The following SORCS1 variants were observed in gnomAD, a reference collection of about 807,000 sequenced individuals.
The protein encoded by SORCS1 is VPS10 domain-containing receptor SorCS1.
Under a neutral mutation model 146.1 loss-of-function variants are expected in SORCS1, and 60 were observed. The observed-to-expected ratio is 0.41, with a 90% confidence interval of 0.33 to 0.51. The LOEUF (loss-of-function observed/expected upper bound fraction) is 0.51, where lower values mean the gene tolerates loss of function less well. Ranked by LOEUF, SORCS1 falls within the 20% of genes least tolerant of loss-of-function variation. The pLI is 0.21. For synonymous variants in SORCS1, 637 were observed against 584.0 expected (o/e 1.09, Z -1.31); for missense variants, 1,352 against 1,487.6 (o/e 0.91, Z 1.50).
intron 1 of SORCS1, among the ~76,000 whole-genome samples, chr10:107,037,732 G>A (rs1245261416): frequency 1.3e-5 from 2 of 152,206 alleles, no homozygotes; most frequent in East Asian, 3.8e-4. Context: ...CAGCTAGAGA[G>A]GCTAATAGGA....
chr10:106,738,242 T>C (rs528309306), intron 5 of SORCS1, among the ~76,000 whole-genome samples: 66 of 152,308 alleles, frequency 4.3e-4, no homozygotes, highest in African/African-American at 1.5e-3. Flanking sequence ...ATAAGGAAGA[T>C]GTATATATGC....
At chr10:106,607,045 T>C (rs910161080) in intron 23 of SORCS1, 121 bp downstream of exon 23, 40 of 1,325,634 alleles carry the variant, frequency 3.0e-5, no homozygotes, top group Non-Finnish European at 4.2e-5. Context: ...TGCTCTTGCA[T>C]GTGCTTTTGG....
chr10:106,578,977 C>T, intron 25 of SORCS1: 1 of 1,462,222 alleles, frequency 6.8e-7, no homozygotes, highest in Non-Finnish European at 9.0e-7. Flanking sequence ...AGCTGTTTCT[C>T]TCAGGGGTGT....
At chr10:107,027,401 C>T (rs118176055) in intron 1 of SORCS1, among the ~76,000 whole-genome samples, 1 of 152,194 alleles carries the variant, frequency 6.6e-6, no homozygotes, top group East Asian at 1.9e-4. Flanking sequence ...GACACCGACT[C>T]TATTTACATG....
At chr10:106,652,732 G>A (rs1325679522) in intron 17 of SORCS1, among the ~76,000 whole-genome samples, 179 bp from the exon 18 acceptor site, 1 of 152,058 alleles carries the variant, frequency 6.6e-6, no homozygotes, top group African/African-American at 2.4e-5. Flanking sequence ...AGATAATCAT[G>A]GTCACACATT....
intron 2 of SORCS1, among the ~76,000 whole-genome samples, chr10:106,891,839 A>G (rs1227262993): frequency 2.0e-5 from 3 of 152,160 alleles, no homozygotes; most frequent in Non-Finnish European, 4.4e-5. Context: ...AACAGGCTGT[A>G]GTTTTGACAA....
chr10:106,994,368 A>G (rs1956907585), intron 1 of SORCS1, among the ~76,000 whole-genome samples: 1 of 152,214 alleles, frequency 6.6e-6, no homozygotes, highest in East Asian at 1.9e-4. Flanking sequence ...CTGTTTGTCT[A>G]CCAGTATATG....
At chr10:107,044,528 A>G (rs900228647) in intron 1 of SORCS1, among the ~76,000 whole-genome samples, 16 of 149,398 alleles carry the variant, frequency 1.1e-4, no homozygotes, top group Middle Eastern at 3.4e-3. Flanking sequence ...AAAAAAAAAA[A>G]AAAAAAAAAA....
At chr10:106,928,060 C>G (rs547891434) in intron 2 of SORCS1, among the ~76,000 whole-genome samples, 13 of 152,386 alleles carry the variant, frequency 8.5e-5, no homozygotes, top group African/African-American at 2.9e-4. Flanking sequence ...GATCCCGCAC[C>G]GGCGCTGCAT....
chr10:107,073,483 G>C (rs1962615274), intron 1 of SORCS1, among the ~76,000 whole-genome samples: 1 of 152,080 alleles, frequency 6.6e-6, no homozygotes, highest in South Asian at 2.1e-4. Context: ...ATTAGACTTA[G>C]AGACATGAAT....
chr10:106,892,391 C>G (rs1951271668), intron 2 of SORCS1, among the ~76,000 whole-genome samples: 1 of 152,238 alleles, frequency 6.6e-6, no homozygotes, highest in South Asian at 2.1e-4. Flanking sequence ...TGCCTTCCAT[C>G]ACAGCATATT....
At position 106,618,161 on chromosome 10, in the gene SORCS1, T is replaced by G. The variant is rs1457723558; in HGVS notation, c.2908A>C (p.Ile970Leu). 6.2e-7 allele frequency: 1 copy of G among 1,614,080 alleles called. No individual in the cohort carries two copies. Among genetic ancestry groups the G allele is most frequent in the East Asian group, 2.2e-5 (1 of 44,868 alleles). The change falls in exon 21 of 26, where the codon ATC becomes CTC. Residue 970 changes from isoleucine to leucine, a missense_variant. By Grantham distance (5) the Ile-to-Leu change is conservative. This residue lies in a region of SORCS1 where 648 missense variants were observed against 793.8 expected (regional missense o/e 0.82). Coordinates refer to ENST00000263054, the MANE Select transcript of SORCS1 (RefSeq NM_052918.5). ...GATGGGCACTCACCATATACTGCGA[T>G]GGTCTTTGTGTCTTGTAGGATGGCA... The part of the protein sequence containing the change: ...GNAILQDTKT[I>L]AVYEEFRSLR...
intron 5 of SORCS1, among the ~76,000 whole-genome samples, chr10:106,753,520 A>G (rs1858412007): frequency 6.6e-6 from 1 of 152,088 alleles, no homozygotes. Flanking sequence ...TAATGATACG[A>G]GTCAGAATCA....
At chr10:106,633,666 T>TAAAC (rs143314581) in intron 18 of SORCS1, among the ~76,000 whole-genome samples, 22 of 151,946 alleles carry the variant, frequency 1.4e-4, no homozygotes, top group African/African-American at 4.8e-4. Flanking sequence ...GATAGTAGAT[T>TAAAC]AAACAAACAA....
chr10:107,062,596 G>C (rs540580786), intron 1 of SORCS1, among the ~76,000 whole-genome samples: 2 of 152,246 alleles, frequency 1.3e-5, no homozygotes, highest in South Asian at 4.2e-4. Flanking sequence ...GGGACATGAG[G>C]TCAGAATTTC....
In SORCS1 at chr10:106,706,584, T is replaced by G. The variant is rs755746610; in HGVS notation, c.1194A>C (p.Ala398=). 6.2e-7 allele frequency: 1 copy of G among 1,614,188 alleles called. No individual in the cohort carries two copies. ...ATTTCGGAAGCTTCATTTGGGCAAATGCATTCCTTCGGTAGGACACGTAGT... is the reference window on the plus strand; with the variant it reads ...ATTTCGGAAGCTTCATTTGGGCAAAGGCATTCCTTCGGTAGGACACGTAGT... ...PHYYVSYRRN[A]FAQMKLPKYA... The change falls in exon 8 of 26, where the codon GCA becomes GCC. Residue 398 remains alanine, a synonymous_variant. Coordinates refer to ENST00000263054, the MANE Select transcript of SORCS1 (RefSeq NM_052918.5).
intron 2 of SORCS1, among the ~76,000 whole-genome samples, chr10:106,952,542 A>ATATATTATATTATATTATATTATAT (rs35734331): frequency 2.0e-3 from 287 of 143,042 alleles, no homozygotes; most frequent in Middle Eastern, 3.6e-3. Flanking sequence ...ATGACACATT[A>ATATATTATATTATATTATATTATAT]TATATTATAT....
intron 1 of SORCS1, among the ~76,000 whole-genome samples, chr10:106,999,399 C>T (rs1345474802): frequency 6.6e-6 from 1 of 152,192 alleles, no homozygotes; most frequent in Non-Finnish European, 1.5e-5. Flanking sequence ...TCTGCTGTGT[C>T]CTGTTTCATT....
Position 107,002,711 on chromosome 10 carries a change from G to A in SORCS1, c.559-46131C>T, listed in dbSNP as rs1264564402. 1.4e-4 allele frequency among the ~76,000 whole-genome samples: 21 copies of A among 152,182 alleles called. No homozygotes were observed. The East Asian group carries it at 3.9e-3, about 28-fold the overall frequency. ...ATTCCACACAGAGAATGTCGTATGT[G>A]TCCACCAAGAGGCAACCGGTAGGTT... On this transcript the variant is annotated intron_variant, in intron 1 of 25. Coordinates refer to ENST00000263054, the MANE Select transcript of SORCS1 (RefSeq NM_052918.5).
Sources: allele counts gnomAD v4.1 joint callset (sites outside exome capture counted in the v4.1 genomes callset), GRCh38; gene constraint gnomAD v4.1.1; regional missense constraint gnomAD v4.1.1; transcripts MANE v1.5; gene names NCBI Gene and HGNC (gene_info 2026-07-23, HGNC 2026-07-21).